Variants in CSMD1 observed in about 807,000 individuals in gnomAD.
CSMD1 encodes the protein CUB and Sushi multiple domains 1, also known as CUB and sushi domain-containing protein 1.
In CSMD1, 213 loss-of-function variants were observed where a neutral mutation model predicts 417.5. The ratio of observed to expected loss-of-function variants is 0.51; its 90% CI spans 0.46 to 0.57. The LOEUF is 0.57. Among genes scored for constraint, CSMD1 ranks in the 20% least tolerant of loss-of-function variants. The pLI is 0.00. For synonymous variants in CSMD1, 2,862 were observed against 1,736.8 expected (o/e 1.65, Z -16.11); for missense variants, 6,923 against 4,529.7 (o/e 1.53, Z -15.17).
chr8:3,616,447 A>T (rs73491480), intron 8 of CSMD1, among the ~76,000 whole-genome samples: 18,969 of 152,210 alleles, frequency 0.12, 1,331 homozygotes, highest in African/African-American at 0.18. Flanking sequence ...TGAGTCAATT[A>T]AACGTCTTTC....
intron 1 of CSMD1, among the ~76,000 whole-genome samples, chr8:4,743,219 C>T (rs1023314783): frequency 6.6e-6 from 1 of 152,094 alleles, no homozygotes; most frequent in Admixed American, 6.5e-5. Flanking sequence ...GAGGAGGTCA[C>T]ATTATTTTAG....
chr8:3,990,977 A>C (rs1464356892), intron 5 of CSMD1, among the ~76,000 whole-genome samples: 1 of 152,132 alleles, frequency 6.6e-6, no homozygotes, highest in African/African-American at 2.4e-5. Flanking sequence ...CAGGAGAGAA[A>C]ATGTGTCTTG....
intron 1 of CSMD1, among the ~76,000 whole-genome samples, chr8:4,794,513 C>T (rs564903143): frequency 1.3e-4 from 20 of 152,130 alleles, no homozygotes; most frequent in Non-Finnish European, 2.6e-4. Flanking sequence ...GTCCCCTGCT[C>T]TCCTCTCCAT....
intron 18 of CSMD1, among the ~76,000 whole-genome samples, chr8:3,384,750 T>C: frequency 8.0e-6 from 1 of 124,280 alleles, no homozygotes; most frequent in South Asian, 2.3e-4. Context: ...AAATATATAT[T>C]TATATAAATT....
intron 12 of CSMD1, among the ~76,000 whole-genome samples, chr8:3,443,384 A>C (rs1167089865): frequency 6.6e-6 from 1 of 152,202 alleles, no homozygotes; most frequent in Admixed American, 6.6e-5. Flanking sequence ...TGAGCTCCAG[A>C]ATTCATTAGA....
chr8:3,768,284 C>G (rs1326067456), intron 5 of CSMD1, among the ~76,000 whole-genome samples: 1 of 152,132 alleles, frequency 6.6e-6, no homozygotes, highest in Non-Finnish European at 1.5e-5. Flanking sequence ...CATGATTGAG[C>G]TAGGTGGTTG....
At chr8:4,032,951 G>C (rs890317658) in intron 3 of CSMD1, among the ~76,000 whole-genome samples, 2 of 151,932 alleles carry the variant, frequency 1.3e-5, no homozygotes, top group African/African-American at 2.4e-5. Flanking sequence ...GATAGAACAG[G>C]CTCCTCAATT....
chr8:3,377,656 A>G (rs927948266), intron 18 of CSMD1, among the ~76,000 whole-genome samples: 1 of 152,056 alleles, frequency 6.6e-6, no homozygotes, highest in Non-Finnish European at 1.5e-5. Flanking sequence ...AGGAATTCTT[A>G]CTGTACCGCA....
chr8:4,989,958 T>C (rs1388395250), intron 1 of CSMD1, among the ~76,000 whole-genome samples: 1 of 152,194 alleles, frequency 6.6e-6, no homozygotes, highest in East Asian at 1.9e-4. Context: ...TGCTTTCGCC[T>C]GTAGAAGCTT....
intron 10 of CSMD1, among the ~76,000 whole-genome samples, chr8:3,502,063 A>G (rs952703684): frequency 2.0e-5 from 3 of 152,166 alleles, no homozygotes; most frequent in Admixed American, 6.5e-5. Context: ...AAATAATCAT[A>G]TATCTTGGAA....
At chr8:4,074,500 G>C (rs1037883812) in intron 3 of CSMD1, among the ~76,000 whole-genome samples, 2 of 151,954 alleles carry the variant, frequency 1.3e-5, no homozygotes, top group African/African-American at 4.8e-5. Context: ...TCTAAAGTTT[G>C]ATACTTTACA....
chr8:4,965,519 G>C (rs1014149248), intron 1 of CSMD1, among the ~76,000 whole-genome samples: 1 of 152,156 alleles, frequency 6.6e-6, no homozygotes, highest in Admixed American at 6.5e-5. Flanking sequence ...CTTCGCAATG[G>C]GGCATGTGGC....
intron 7 of CSMD1, among the ~76,000 whole-genome samples, chr8:3,633,586 T>C (rs1346809590): frequency 6.6e-6 from 1 of 152,232 alleles, no homozygotes; most frequent in Non-Finnish European, 1.5e-5. Flanking sequence ...GCTACTTAAA[T>C]TTTCATCTTA....
chr8:3,301,729 G>T (rs1584957756), intron 25 of CSMD1, among the ~76,000 whole-genome samples: 1 of 152,234 alleles, frequency 6.6e-6, no homozygotes, highest in East Asian at 1.9e-4. Flanking sequence ...ATTCTAGAGG[G>T]TATTATGGTT....
At chr8:4,833,086 G>C (rs924766299) in intron 1 of CSMD1, among the ~76,000 whole-genome samples, 2 of 152,116 alleles carry the variant, frequency 1.3e-5, no homozygotes, top group South Asian at 4.2e-4. Flanking sequence ...TTCTAACTTG[G>C]ATTTAAATCT....
intron 1 of CSMD1, among the ~76,000 whole-genome samples, chr8:4,901,436 A>G (rs1479204899): frequency 6.6e-6 from 1 of 152,232 alleles, no homozygotes; most frequent in Non-Finnish European, 1.5e-5. Context: ...TCAAGTTTTC[A>G]TAGAATTTAA....
At chr8:3,192,883 T>C (rs1049291346) in intron 33 of CSMD1, among the ~76,000 whole-genome samples, 1 of 152,138 alleles carries the variant, frequency 6.6e-6, no homozygotes, top group Non-Finnish European at 1.5e-5. Context: ...TTGAAATTAT[T>C]TGTGTCATGT....
chr8:3,412,721 G>A (rs1004089111), intron 12 of CSMD1, among the ~76,000 whole-genome samples: 3 of 152,214 alleles, frequency 2.0e-5, no homozygotes, highest in Admixed American at 6.5e-5. Context: ...TGCAACACAA[G>A]CCAAATACAT....
At chr8:3,227,745 G>C (rs962477978) in intron 27 of CSMD1, among the ~76,000 whole-genome samples, 1 of 151,774 alleles carries the variant, frequency 6.6e-6, no homozygotes, top group Non-Finnish European at 1.5e-5. Flanking sequence ...CAGTCAAGCA[G>C]GATGTTGTCA....
Sources: gnomAD v4.1 joint callset for allele counts (sites outside exome capture counted in the v4.1 genomes callset) on GRCh38, gnomAD v4.1.1 for gene constraint, MANE v1.5 for transcripts, NCBI Gene and HGNC (gene_info 2026-07-23, HGNC 2026-07-21) for gene names.